The following SCIN variants were observed in gnomAD, a reference collection of about 807,000 sequenced individuals.
SCIN encodes scinderin.
Under a neutral mutation model 91.8 loss-of-function variants are expected in SCIN, and 91 were observed. That is an observed-to-expected ratio of 0.99 (90% CI 0.84 to 1.18). The LOEUF is 1.18. Among genes scored for constraint, SCIN ranks in the 50% most tolerant of loss-of-function variants. SCIN has a pLI of 0.00. For synonymous variants in SCIN, 367 were observed against 312.6 expected, an observed-to-expected ratio of 1.17 and a Z score of -1.84; for missense variants, 1,087 against 863.9, an observed-to-expected ratio of 1.26 and a Z score of -3.24.
In SCIN at chr7:12,621,389, C is replaced by G. The variant is rs185586731; in HGVS notation, c.667-1412C>G. The stretch of plus-strand genomic sequence containing the variant: ...TTGAGAAGCTAATTAAGATGCCTGG[C>G]TAATATGGGAATTGTGGTCTGAAAA... On this transcript the variant is annotated intron_variant, in intron 4 of 15. Transcript: ENST00000297029. 2.4e-4 allele frequency among the ~76,000 whole-genome samples: 37 copies of G among 152,206 alleles called. No homozygotes were observed. The East Asian group carries it at 7.1e-3, about 29-fold the overall frequency.
At chr7:12,597,020 T>G (rs1242226775) in intron 3 of SCIN, among the ~76,000 whole-genome samples, 1 of 152,210 alleles carries the variant, frequency 6.6e-6, no homozygotes, top group African/African-American at 2.4e-5. Flanking sequence ...CACCACTCCA[T>G]TCATCTTGTG....
chr7:12,630,350 A>G (rs1417684669), intron 9 of SCIN, among the ~76,000 whole-genome samples: 3 of 152,196 alleles, frequency 2.0e-5, no homozygotes, highest in Non-Finnish European at 4.4e-5. Context: ...AAGGACCTCA[A>G]GTAATTCATA....
At chr7:12,616,658 T>A (rs969460233) in intron 4 of SCIN, among the ~76,000 whole-genome samples, 2 of 152,120 alleles carry the variant, frequency 1.3e-5, no homozygotes, top group African/African-American at 4.8e-5. Flanking sequence ...GCCAGAATAT[T>A]ATAGACACGC....
intron 5 of SCIN, among the ~76,000 whole-genome samples, chr7:12,624,470 C>A (rs907521700): frequency 2.6e-5 from 4 of 152,162 alleles, no homozygotes; most frequent in African/African-American, 7.2e-5. Context: ...TTGAAAAAAT[C>A]TTTGTGCATA....
chr7:12,590,405 T>A (rs1782693295), intron 3 of SCIN, among the ~76,000 whole-genome samples: 1 of 151,914 alleles, frequency 6.6e-6, no homozygotes, highest in Non-Finnish European at 1.5e-5. Flanking sequence ...TGAGGTTATG[T>A]CTCTTAGTGA....
intron 13 of SCIN, among the ~76,000 whole-genome samples, chr7:12,646,545 A>G (rs756826284): frequency 2.0e-5 from 3 of 152,218 alleles, no homozygotes; most frequent in Non-Finnish European, 4.4e-5. Flanking sequence ...CCAATACAAA[A>G]GAATACAGGA....
Position 12,654,623 on chromosome 7 carries a change from T to A in SCIN, c.*1908T>A, listed in dbSNP as rs1270562115. On this transcript the variant is annotated 3_prime_UTR_variant, in exon 16 of 16. Transcript: ENST00000297029. ...TAAAATGATTTAATAAGTAGTACTTTTTCACAAAATTAGTAAAGGTCAAGG... is the reference window on the plus strand; with the variant it reads ...TAAAATGATTTAATAAGTAGTACTTATTCACAAAATTAGTAAAGGTCAAGG... 1 of 152,172 alleles carries A rather than the reference T, an allele frequency of 6.6e-6. No homozygotes were observed. Among genetic ancestry groups the A allele is most frequent in the African/African-American group, 2.4e-5 (1 of 41,442 alleles). 9.4% of individuals were successfully genotyped at this position (152,172 alleles called of 1,614,324 possible). A position where few individuals can be genotyped will look rare whatever the true frequency, so the allele number is the denominator to read the frequency against.
chr7:12,605,996 A>G (rs849780), intron 4 of SCIN, among the ~76,000 whole-genome samples: 143,774 of 152,272 alleles, frequency 0.94, 67,947 homozygotes, highest in East Asian at 1. Flanking sequence ...CTACCTAAGT[A>G]TATATATTGT....
At chr7:12,594,600 G>T (rs1409363243) in intron 3 of SCIN, among the ~76,000 whole-genome samples, 1 of 152,108 alleles carries the variant, frequency 6.6e-6, no homozygotes, top group Non-Finnish European at 1.5e-5. Flanking sequence ...ATCCCTGAAC[G>T]GAGGCCGAGA....
Position 12,635,526 on chromosome 7 carries a change from C to T in SCIN, c.1320-519C>T, listed in dbSNP as rs557448853. ...ACTTGGGAGGCTGAGGCAGGAGAAT[C>T]GCTTGAAGCCGGGAGGTGGAGGTTG... On this transcript the variant is annotated intron_variant, in intron 9 of 15. Transcript: ENST00000297029. Among the ~76,000 whole-genome samples the T allele has an allele frequency of 1.4e-4, 19 of 138,810 alleles. No homozygotes were observed. In the South Asian group the frequency reaches 3.4e-3, roughly 25 times the overall value. The allele number at this position is 138,810 out of a possible 152,430, so 91.1% of individuals were successfully genotyped here. A position where few individuals can be genotyped will look rare whatever the true frequency, so the allele number is the denominator to read the frequency against.
chr7:12,590,790 TA>T (rs1201323083), intron 3 of SCIN, among the ~76,000 whole-genome samples: 2 of 152,064 alleles, frequency 1.3e-5, no homozygotes, highest in Admixed American at 1.3e-4. Flanking sequence ...CTGAAGGAGT[TA>T]GTAAATAAGG....
chr7:12,604,589 C>A lies in SCIN; in HGVS notation c.592C>A (p.Arg198=), dbSNP rs527952558. The part of the protein sequence containing the change: ...LKANQVATGI[R]YNERKGRSEL... The stretch of plus-strand genomic sequence containing the variant: ...GGCAAACCAGGTAGCTACTGGCATT[C>A]GGTACAATGAAAGGAAAGGAAGGTC... The change falls in exon 4 of 16, where the codon CGG becomes AGG. Residue 198 remains arginine, a synonymous_variant. Transcript: ENST00000297029. 1.1e-5 allele frequency: 17 copies of A among 1,551,678 alleles called. No homozygotes were observed. The highest frequency in any genetic ancestry group is 1.4e-5 in the Non-Finnish European group (16 of 1,146,938).
rs749778666 is a variant in SCIN at position 12,640,452 on chromosome 7, C to A, written c.1516C>A (p.Pro506Thr). 1.9e-6 allele frequency: 3 copies of A among 1,613,438 alleles called. No individual in the cohort carries two copies. The highest frequency in any genetic ancestry group is 2.5e-6 in the Non-Finnish European group (3 of 1,179,648). ...NGTSKKGGQA[P>T]APPTRLFQVR... Reference sequence around the variant, plus strand: ...AACATCAAAGAAAGGAGGTCAGGCACCTGCTCCCCCTACACGCCTCTTTCA... The same window carrying A: ...AACATCAAAGAAAGGAGGTCAGGCAACTGCTCCCCCTACACGCCTCTTTCA... The change falls in exon 11 of 16, where the codon CCT (proline) becomes ACT (threonine). Residue 506 changes from proline to threonine, a missense_variant. Coordinates refer to ENST00000297029, the MANE Select transcript of SCIN (RefSeq NM_001112706.3).
intron 4 of SCIN, among the ~76,000 whole-genome samples, chr7:12,615,108 A>G (rs1049642367): frequency 6.6e-6 from 1 of 152,200 alleles, no homozygotes; most frequent in Non-Finnish European, 1.5e-5. Context: ...GGGAAATCCC[A>G]ACTGCTGTGA....
intron 14 of SCIN, among the ~76,000 whole-genome samples, chr7:12,650,077 C>G (rs914372720): frequency 2.6e-5 from 4 of 152,116 alleles, no homozygotes; most frequent in Non-Finnish European, 5.9e-5. Flanking sequence ...TTTTTAACCT[C>G]TAAATTAACG....
intron 1 of SCIN, 145 bp from the exon 2 acceptor site, chr7:12,577,919 T>A (rs1381681387): frequency 1.4e-6 from 1 of 690,444 alleles, no homozygotes; most frequent in South Asian, 2.5e-5. Context: ...TTACATACAG[T>A]ATTTTAGCTA....
chr7:12,574,933 T>C (rs1782339493), intron 1 of SCIN, among the ~76,000 whole-genome samples: 1 of 152,180 alleles, frequency 6.6e-6, no homozygotes, highest in Non-Finnish European at 1.5e-5. Flanking sequence ...TTGTGAAGGA[T>C]TGACATCATT....
chr7:12,592,227 CGA>C (rs1782738835), intron 3 of SCIN, among the ~76,000 whole-genome samples: 1 of 151,892 alleles, frequency 6.6e-6, no homozygotes, highest in Admixed American at 6.6e-5. Context: ...TTGGTAGCGA[CGA>C]GAGAGAGAAG....
intron 4 of SCIN, among the ~76,000 whole-genome samples, chr7:12,612,576 T>C (rs849790): frequency 0.089 from 13,611 of 152,152 alleles, 625 homozygotes; most frequent in Middle Eastern, 0.15. Flanking sequence ...CTGCCCCAAG[T>C]TGCGACGCTC....
Sources: allele counts gnomAD v4.1 joint callset (sites outside exome capture counted in the v4.1 genomes callset), GRCh38; gene constraint gnomAD v4.1.1; transcripts MANE v1.5; gene names NCBI Gene and HGNC (gene_info 2026-07-23, HGNC 2026-07-21).